Variants in DGCR8 observed in about 807,000 individuals in gnomAD.
The protein encoded by DGCR8 is microprocessor complex subunit DGCR8.
DGCR8 carries 14 observed loss-of-function variants against 78.5 expected under a neutral mutation model. The ratio of observed to expected loss-of-function variants is 0.18; its 90% CI spans 0.12 to 0.28. The LOEUF (loss-of-function observed/expected upper bound fraction) is 0.28, where lower values mean the gene tolerates loss of function less well. Among genes scored for constraint, DGCR8 ranks in the 10% least tolerant of loss-of-function variants. The pLI, the probability that DGCR8 is intolerant of heterozygous loss-of-function variation, is 1.00. For synonymous variants in DGCR8, 399 were observed against 402.4 expected (o/e 0.99, Z 0.10); for missense variants, 702 against 1,022.5 (o/e 0.69, Z 4.28).
At position 20,085,696 on chromosome 22, in the gene DGCR8, G is replaced by A; in HGVS notation, c.-268G>A. 5.4e-6 allele frequency: 7 copies of A among 1,294,352 alleles called. No homozygotes were observed. The highest frequency in any genetic ancestry group is 6.8e-6 in the Non-Finnish European group (7 of 1,024,816). The allele number at this position is 1,294,352 out of a possible 1,614,324, so 80.2% of individuals were successfully genotyped here. On this transcript the variant is annotated 5_prime_UTR_variant, in exon 2 of 14. Coordinates refer to ENST00000351989, the MANE Select transcript of DGCR8 (RefSeq NM_022720.7). The surrounding 1 kb of genome is among the most constrained non-coding windows in gnomAD (Gnocchi z 6.2). ...TTAAATTTCTTTGCAGGTAGAAGAA[G>A]AAAGGTGCCACTCCGGCATGAAGAC...
Position 20,086,104 on chromosome 22 carries a change from G to C in DGCR8, c.141G>C (p.Glu47Asp). 1 of 1,614,176 alleles carries C rather than the reference G, an allele frequency of 6.2e-7. No homozygotes were observed. Among genetic ancestry groups the C allele is most frequent in the Non-Finnish European group, 8.5e-7 (1 of 1,180,040 alleles). The part of the protein sequence containing the change: ...PPPLQTSSGA[E>D]VMDVGSGGDG... ...CCCTGCAAACGTCCAGTGGTGCAGA[G>C]GTAATGGACGTTGGCTCTGGTGGTG... The change falls in exon 2 of 14, where the codon GAG becomes GAC. Residue 47 changes from glutamate to aspartate, a missense_variant. Transcript: ENST00000351989. The surrounding 1 kb of genome is among the most constrained non-coding windows in gnomAD (Gnocchi z 6.4).
At position 20,110,707 on chromosome 22, in the gene DGCR8, T is replaced by G. The variant is rs941787288; in HGVS notation, c.*599T>G. The G allele has an allele frequency of 1.9e-5, 3 of 158,922 alleles. No homozygotes were observed. Among genetic ancestry groups the G allele is most frequent in the African/African-American group, 4.8e-5 (2 of 41,760 alleles). The allele number at this position is 158,922 out of a possible 1,614,324, so 9.8% of individuals were successfully genotyped here. The stretch of plus-strand genomic sequence containing the variant: ...AATTTTAGCATCAGAACTAGCTTTC[T>G]GGGATTGGAGGCAAACCATCAAGGT... On this transcript the variant is annotated 3_prime_UTR_variant, in exon 14 of 14. Transcript: ENST00000351989.
In DGCR8 at chr22:20,087,280, G is replaced by A. The variant is rs771264464; in HGVS notation, c.839G>A (p.Ser280Asn). 1.2e-6 allele frequency: 2 copies of A among 1,613,656 alleles called. No individual in the cohort carries two copies. Among genetic ancestry groups the A allele is most frequent in the Admixed American group, 1.7e-5 (1 of 59,976 alleles). ...DSDHPSDGET[S>N]VQPMMTKIKT... Reference sequence around the variant, plus strand: ...GACCATCCGTCCGATGGAGAGACAAGTGTGCAGCCGATGATGACCAAGATT... The same window carrying A: ...GACCATCCGTCCGATGGAGAGACAAATGTGCAGCCGATGATGACCAAGATT... Residue 280 changes from serine (S) to asparagine (N), a missense_variant, in exon 3 of 14, where the codon AGT becomes AAT. Ser to Asn is a conservative substitution (Grantham distance 46). Coordinates refer to ENST00000351989, the MANE Select transcript of DGCR8 (RefSeq NM_022720.7). This position sits in a 1 kb window ranked among gnomAD's most constrained non-coding sequence, Gnocchi z 4.1.
At chr22:20,091,708 T>C in intron 6 of DGCR8, 76 bp downstream of exon 6, 2 of 1,569,016 alleles carry the variant, frequency 1.3e-6, no homozygotes, top group Non-Finnish European at 1.8e-6. Flanking sequence ...AGGGCATGTT[T>C]TATGAGTTGC....
Position 20,090,209 on chromosome 22 carries a change from C to A in DGCR8, c.1257C>A (p.Ala419=). 1.9e-6 allele frequency: 3 copies of A among 1,612,958 alleles called. No homozygotes were observed. Among genetic ancestry groups the A allele is most frequent in the Non-Finnish European group, 2.5e-6 (3 of 1,179,690 alleles). Residue 419 remains alanine, a synonymous_variant, in exon 5 of 14, where the codon GCC becomes GCA. Transcript: ENST00000351989. ...TAGGGGCTGAGGCAGCCCCTGGGGC[C>A]CTGGGGCAGGTGAAGGCCAAAGTCG... ...DPLGAEAAPG[A]LGQVKAKVEV... is the part of the protein sequence containing the mutation.
At position 20,091,898 on chromosome 22, in the gene DGCR8, G is replaced by A. The variant is rs1226736814; in HGVS notation, c.1534G>A (p.Glu512Lys). The change falls in exon 7 of 14, where the codon GAG (glutamate) becomes AAG (lysine). Residue 512 changes from glutamate (E) to lysine (K), a missense_variant. Around this residue, in one of 4 missense-constraint regions of DGCR8, gnomAD observed 225 missense variants for 427.7 expected, o/e 0.53. Coordinates refer to ENST00000351989, the MANE Select transcript of DGCR8 (RefSeq NM_022720.7). ...EFVINPNGKSEVCILHEYMQR... is the reference protein window; with the variant it reads ...EFVINPNGKSKVCILHEYMQR... ...TGTTATTAACCCCAACGGGAAATCC[G>A]AGGTCTGCATCCTGCACGAGTACAT... 4 of 1,614,118 alleles carry A rather than the reference G, an allele frequency of 2.5e-6. No individual in the cohort carries two copies. The highest frequency in any genetic ancestry group is 1.7e-5 in the Admixed American group (1 of 60,016).
intron 1 of DGCR8, chr22:20,080,824 T>C (rs2049409894): frequency 6.6e-6 from 1 of 152,314 alleles, no homozygotes; most frequent in South Asian, 2.1e-4. Flanking sequence ...TACGGTTTTA[T>C]TGTAACAATG....
intron 9 of DGCR8, among the ~76,000 whole-genome samples, chr22:20,099,613 A>G (rs547440606): frequency 6.6e-5 from 10 of 151,978 alleles, no homozygotes; most frequent in Non-Finnish European, 5.9e-5. Context: ...TTGAATCAAC[A>G]CTCCTCAGAT....
intron 12 of DGCR8, 144 bp from the exon 13 acceptor site, chr22:20,108,746 T>C (rs1217356447): frequency 4.5e-5 from 13 of 290,340 alleles, no homozygotes; most frequent in South Asian, 1.5e-4. Context: ...CATGCAGTTA[T>C]GTTGCCACAG....
At chr22:20,104,844 G>A (rs959762680) in intron 9 of DGCR8, among the ~76,000 whole-genome samples, 6 of 148,748 alleles carry the variant, frequency 4.0e-5, no homozygotes, top group Admixed American at 2.7e-4. Context: ...TTGCTGGAGC[G>A]GCGAGGGCAG....
At chr22:20,081,953 C>G (rs934934430) in intron 1 of DGCR8, among the ~76,000 whole-genome samples, 2 of 152,212 alleles carry the variant, frequency 1.3e-5, no homozygotes, top group African/African-American at 4.8e-5. Context: ...GCCCAGCCTA[C>G]CTGGTGAGCC....
chr22:20,097,410 CT>C (rs1169288680), intron 9 of DGCR8, among the ~76,000 whole-genome samples: 3 of 152,060 alleles, frequency 2.0e-5, no homozygotes, highest in Non-Finnish European at 4.4e-5. Context: ...TAGTTTGTGT[CT>C]TTTTTGGAAT....
At chr22:20,101,089 G>A in intron 9 of DGCR8, 8 of 642,240 alleles carry the variant, frequency 1.2e-5, no homozygotes, top group Non-Finnish European at 1.5e-5. Context: ...CACCTCCTCA[G>A]CATAAGCTCT....
At chr22:20,081,044 T>C (rs780431739) in intron 1 of DGCR8, among the ~76,000 whole-genome samples, 3 of 152,206 alleles carry the variant, frequency 2.0e-5, no homozygotes, top group Non-Finnish European at 4.4e-5. Context: ...CTGGCCAGAC[T>C]AGACTCCCAG....
At chr22:20,081,844 C>T (rs1475408838) in intron 1 of DGCR8, among the ~76,000 whole-genome samples, 1 of 152,122 alleles carries the variant, frequency 6.6e-6, no homozygotes, top group Non-Finnish European at 1.5e-5. Flanking sequence ...CCTTTGATTC[C>T]TCTCTTTCTT....
intron 5 of DGCR8, 45 bp downstream of exon 5, chr22:20,090,303 T>C (rs775843667): frequency 1.1e-4 from 172 of 1,537,994 alleles, no homozygotes; most frequent in Non-Finnish European, 3.1e-5. Flanking sequence ...CTGGGACCCA[T>C]GAGCTTTGTT....
chr22:20,109,447 G>A (rs1049157605), intron 13 of DGCR8, among the ~76,000 whole-genome samples: 1 of 152,204 alleles, frequency 6.6e-6, no homozygotes, highest in Admixed American at 6.5e-5. Context: ...TGGCCACGGC[G>A]TGACCTGCCC....
At position 20,106,583 on chromosome 22, in the gene DGCR8, C is replaced by T. The variant is rs778500041; in HGVS notation, c.1890-9C>T. The T allele has an allele frequency of 1.7e-5, 28 of 1,606,160 alleles. No individual in the cohort carries two copies. Among genetic ancestry groups the T allele is most frequent in the Non-Finnish European group, 2.1e-5 (25 of 1,172,770 alleles). On this transcript the variant is annotated splice_polypyrimidine_tract_variant and intron_variant, in intron 10 of 13. Coordinates refer to ENST00000351989, the MANE Select transcript of DGCR8 (RefSeq NM_022720.7). ...GGGGACGCCATCTGTTGTCTGTTTT[C>T]TCTTAAAGAAACCATGGGATGGGTG...
At chr22:20,103,035 GGCAGGAGAA>G (rs1186747470) in intron 9 of DGCR8, among the ~76,000 whole-genome samples, 1 of 152,124 alleles carries the variant, frequency 6.6e-6, no homozygotes, top group African/African-American at 2.4e-5. Context: ...AGGAGGCTGA[GGCAGGAGAA>G]TCGCTTGAAC....
Sources: gnomAD v4.1 joint callset for allele counts (sites outside exome capture counted in the v4.1 genomes callset) on GRCh38, gnomAD v4.1.1 for gene constraint, gnomAD v4.1.1 regional missense constraint, Gnocchi (gnomAD v3.1) non-coding constraint, MANE v1.5 for transcripts, NCBI Gene and HGNC (gene_info 2026-07-23, HGNC 2026-07-21) for gene names.